The following SPATS2L variants were observed in gnomAD, a reference collection of about 807,000 sequenced individuals.
SPATS2L encodes the protein spermatogenesis associated serine rich 2 like.
In SPATS2L, 30 loss-of-function variants were observed where a neutral mutation model predicts 59.6. The ratio of observed to expected loss-of-function variants is 0.50; its 90% CI spans 0.38 to 0.68. SPATS2L has a LOEUF of 0.68. Among genes scored for constraint, SPATS2L ranks in the 30% least tolerant of loss-of-function variants. The pLI is 0.00. For synonymous variants in SPATS2L, 252 were observed against 263.5 expected (o/e 0.96, Z 0.42); for missense variants, 615 against 700.0 (o/e 0.88, Z 1.37).
In SPATS2L at chr2:200,472,997, G is replaced by C; in HGVS notation, c.1226G>C (p.Ser409Thr). ...AAAGCGGCAAACCCCAAAATGGTGA[G>C]CAGTCTCCCCAGCACCGCCGACCCC... is the stretch of plus-strand genomic sequence containing the variant. ...EGKAANPKMV[S>T]SLPSTADPSH... The change falls in exon 12 of 13, where the codon AGC becomes ACC. Residue 409 changes from serine (S) to threonine (T), a missense_variant. Transcript: ENST00000409140. The C allele has an allele frequency of 1.2e-6, 2 of 1,613,380 alleles. No homozygotes were observed. Among genetic ancestry groups the C allele is most frequent in the Non-Finnish European group, 1.7e-6 (2 of 1,179,798 alleles).
At chr2:200,477,515 T>TAAAAAAAAAAAAAAAAAAAAAAAAAAA (rs59073895) in intron 12 of SPATS2L, 121 bp from the exon 13 acceptor site, 5 of 268,484 alleles carry the variant, frequency 1.9e-5, no homozygotes, top group African/African-American at 1.8e-4. Flanking sequence ...TTCTGGTGTA[T>TAAAAAAAAAAAAAAAAAAAAAAAAAAA]AAAAAAAAAA....
intron 12 of SPATS2L, among the ~76,000 whole-genome samples, chr2:200,473,488 T>G (rs16833525): frequency 0.022 from 3,321 of 152,260 alleles, 118 homozygotes; most frequent in African/African-American, 0.076. Flanking sequence ...TAATCCCCAT[T>G]TATGTTTAGC....
At chr2:200,363,250 A>C (rs2105875067) in intron 2 of SPATS2L, among the ~76,000 whole-genome samples, 1 of 152,284 alleles carries the variant, frequency 6.6e-6, no homozygotes, top group Admixed American at 6.5e-5. Flanking sequence ...GCATTACTTC[A>C]GCAATATCCT....
intron 1 of SPATS2L, among the ~76,000 whole-genome samples, chr2:200,317,728 A>G (rs2079426360): frequency 6.6e-6 from 1 of 152,256 alleles, no homozygotes; most frequent in Admixed American, 6.5e-5. Flanking sequence ...CCAGGATAGC[A>G]TAACAATTAA....
intron 9 of SPATS2L, chr2:200,460,730 G>A (rs1015732217): frequency 6.6e-6 from 1 of 151,174 alleles, no homozygotes; most frequent in Non-Finnish European, 1.5e-5. Context: ...CAGCCTAGGC[G>A]ACAGAGCAAG....
intron 1 of SPATS2L, among the ~76,000 whole-genome samples, chr2:200,311,868 G>A (rs1418903707): frequency 6.6e-6 from 1 of 152,096 alleles, no homozygotes; most frequent in African/African-American, 2.4e-5. Flanking sequence ...AATGACAGTT[G>A]TTTGAGGTGA....
chr2:200,481,417 G>A lies in SPATS2L; in HGVS notation c.*3386G>A, dbSNP rs1425518941. 1 of 152,164 alleles carries A rather than the reference G, an allele frequency of 6.6e-6. No homozygotes were observed. The highest frequency in any genetic ancestry group is 3.2e-3 in the Middle Eastern group (1 of 316). The allele number at this position is 152,164 out of a possible 1,614,324, so 9.4% of individuals were successfully genotyped here. On this transcript the variant is annotated 3_prime_UTR_variant, in exon 13 of 13. Transcript: ENST00000409140. ...AACTTGATTTCACCATGAGAAGTGG[G>A]GATCAAGGGCCTGCGCAGTTCTTTT...
chr2:200,477,515 TAAAAA>T (rs59073895), intron 12 of SPATS2L, 116 bp from the exon 13 acceptor site: 20,946 of 301,000 alleles, frequency 0.07, 310 homozygotes, highest in Middle Eastern at 0.1. Context: ...TTCTGGTGTA[TAAAAA>T]AAAAAAAAAA....
chr2:200,412,349 T>C lies in SPATS2L; in HGVS notation c.78T>C (p.Asn26=), dbSNP rs773407874. The change falls in exon 4 of 13, where the codon AAT becomes AAC. Residue 26 remains asparagine (N), a synonymous_variant. Coordinates refer to ENST00000409140, the MANE Select transcript of SPATS2L (RefSeq NM_001100423.2). ...AVRSVVPNKS[N]NEIVLVLQQF... is the part of the protein sequence containing the mutation. ...GATCAGTTGTTCCCAACAAAAGCAA[T>C]AATGAAATAGTCCTGGTGCTCCAAC... 1 of 1,606,214 alleles carries C rather than the reference T, an allele frequency of 6.2e-7. No homozygotes were observed. The highest frequency in any genetic ancestry group is 2.2e-5 in the East Asian group (1 of 44,652).
intron 4 of SPATS2L, among the ~76,000 whole-genome samples, chr2:200,414,435 C>T (rs984492494): frequency 1.3e-5 from 2 of 152,092 alleles, no homozygotes; most frequent in Non-Finnish European, 2.9e-5. Flanking sequence ...TGAGACCAGC[C>T]TGGACAACAT....
intron 10 of SPATS2L, among the ~76,000 whole-genome samples, chr2:200,468,258 A>G (rs987045214): frequency 2.6e-5 from 4 of 151,704 alleles, no homozygotes; most frequent in Admixed American, 6.6e-5. Flanking sequence ...AGAAGGGGAA[A>G]TAGTTACCAG....
chr2:200,365,549 C>G (rs1207952083), intron 2 of SPATS2L, among the ~76,000 whole-genome samples: 1 of 152,214 alleles, frequency 6.6e-6, no homozygotes. Flanking sequence ...TATACTCAGG[C>G]TAACAAAGTT....
Position 200,346,836 on chromosome 2 carries a change from T to A in SPATS2L, c.-23+17356T>A, listed in dbSNP as rs542451073. Among the ~76,000 whole-genome samples the A allele has an allele frequency of 3.3e-5, 5 of 152,116 alleles. No individual in the cohort carries two copies. In the East Asian group the frequency reaches 9.6e-4, roughly 29 times the overall value. On this transcript the variant is annotated intron_variant, in intron 2 of 12. Transcript: ENST00000409140. ...CCTGGAGACAGTGGGCTCATAAATA[T>A]GTAGCTTGATTTTTCTCTATAAGAA...
intron 9 of SPATS2L, among the ~76,000 whole-genome samples, chr2:200,460,091 G>C (rs550136301): frequency 6.6e-6 from 1 of 152,308 alleles, no homozygotes; most frequent in Admixed American, 6.5e-5. Context: ...ATAGGTGTCA[G>C]TTGAGTTTTC....
intron 1 of SPATS2L, among the ~76,000 whole-genome samples, chr2:200,310,997 A>G (rs1004315214): frequency 1.3e-5 from 2 of 152,286 alleles, no homozygotes; most frequent in South Asian, 2.1e-4. Context: ...TTTCTTTCTC[A>G]ACTAGATAGT....
chr2:200,347,371 G>T, intron 2 of SPATS2L, among the ~76,000 whole-genome samples: 1 of 152,122 alleles, frequency 6.6e-6, no homozygotes, highest in Admixed American at 6.5e-5. Flanking sequence ...ACTGTCCTGC[G>T]CATGTCTTGA....
At chr2:200,339,761 T>A (rs55928946) in intron 2 of SPATS2L, among the ~76,000 whole-genome samples, 2,695 of 152,248 alleles carry the variant, frequency 0.018, 37 homozygotes, top group Non-Finnish European at 0.03. Context: ...GGCCAGAAGA[T>A]CATGTTTATA....
chr2:200,422,537 CAAA>C (rs34573978), intron 6 of SPATS2L, among the ~76,000 whole-genome samples: 6 of 133,180 alleles, frequency 4.5e-5, no homozygotes, highest in Middle Eastern at 3.5e-3. Flanking sequence ...TAAGACTCCT[CAAA>C]AAAAAAAAAA....
At chr2:200,466,479 A>G (rs1214226324) in intron 9 of SPATS2L, among the ~76,000 whole-genome samples, 4 of 152,250 alleles carry the variant, frequency 2.6e-5, no homozygotes, top group Non-Finnish European at 5.9e-5. Context: ...GTGTATACAC[A>G]CACAGACACA....
Sources: gnomAD v4.1 joint callset for allele counts (sites outside exome capture counted in the v4.1 genomes callset) on GRCh38, gnomAD v4.1.1 for gene constraint, MANE v1.5 for transcripts, NCBI Gene and HGNC (gene_info 2026-07-23, HGNC 2026-07-21) for gene names.